Variants in TAFA4 observed in about 807,000 individuals in gnomAD.
The protein encoded by TAFA4 is TAFA chemokine like family member 4, also known as chemokine-like protein TAFA-4.
In TAFA4, 20 loss-of-function variants were observed where a neutral mutation model predicts 21.1. The observed-to-expected ratio is 0.95, with a 90% CI of 0.67 to 1.38. The LOEUF (loss-of-function observed/expected upper bound fraction) is 1.38. Ranked by LOEUF, TAFA4 falls within the 40% of genes most tolerant of loss-of-function variation. The pLI, the probability that TAFA4 is intolerant of heterozygous loss-of-function variation, is 0.00. For synonymous variants in TAFA4, 71 were observed against 67.4 expected, an observed-to-expected ratio of 1.05 and a Z score of -0.26; for missense variants, 211 against 180.9, an observed-to-expected ratio of 1.17 and a Z score of -0.95.
At chr3:68,753,334 GT>G (rs4065540) in intron 3 of TAFA4, among the ~76,000 whole-genome samples, 322 of 114,462 alleles carry the variant, frequency 2.8e-3, no homozygotes, top group Middle Eastern at 5.4e-3. Flanking sequence ...GATTGATAGA[GT>G]TTTTTTTTTT....
chr3:68,751,781 G>T (rs1409941926), intron 4 of TAFA4, among the ~76,000 whole-genome samples: 1 of 152,154 alleles, frequency 6.6e-6, no homozygotes, highest in Non-Finnish European at 1.5e-5. Context: ...TGATTATGGG[G>T]TGCAAGTGGA....
intron 3 of TAFA4, among the ~76,000 whole-genome samples, chr3:68,841,707 C>A (rs1169205273): frequency 2.0e-5 from 3 of 152,062 alleles, no homozygotes; most frequent in Non-Finnish European, 4.4e-5. Flanking sequence ...CCCCCCAACC[C>A]CCTGACAGGC....
At chr3:68,887,388 G>A (rs1258063154) in intron 1 of TAFA4, among the ~76,000 whole-genome samples, 1 of 152,080 alleles carries the variant, frequency 6.6e-6, no homozygotes, top group Admixed American at 6.5e-5. Flanking sequence ...GCTCTCTTGG[G>A]TTGGAGTCCT....
At chr3:68,820,721 A>C (rs1704095182) in intron 3 of TAFA4, among the ~76,000 whole-genome samples, 1 of 152,196 alleles carries the variant, frequency 6.6e-6, no homozygotes, top group Non-Finnish European at 1.5e-5. Flanking sequence ...TCATCACAAA[A>C]AAATGGTAAA....
At chr3:68,832,423 T>C (rs1704422387) in intron 3 of TAFA4, among the ~76,000 whole-genome samples, 1 of 152,226 alleles carries the variant, frequency 6.6e-6, no homozygotes, top group Non-Finnish European at 1.5e-5. Context: ...TTAGTTTTCC[T>C]TCTAAGAGAG....
In TAFA4 at chr3:68,885,325, C is replaced by CAA; in HGVS notation, c.-122-16_-122-15insTT. The CAA allele has an allele frequency of 1.7e-6, 1 of 600,822 alleles. No individual in the cohort carries two copies. Among genetic ancestry groups the CAA allele is most frequent in the Non-Finnish European group, 2.8e-6 (1 of 362,954 alleles). The allele number at this position is 600,822 out of a possible 1,614,324, so 37.2% of individuals were successfully genotyped here. ...GCTCAGAAGACCTATGTTAAAAAGG[C>CAA]CAAAAAAAAAAAAGGAATCAATTAG... On this transcript the variant is annotated splice_polypyrimidine_tract_variant and intron_variant, in intron 1 of 5. Transcript: ENST00000295569.
At chr3:68,920,596 T>A (rs146111845) in intron 1 of TAFA4, among the ~76,000 whole-genome samples, 350 of 151,774 alleles carry the variant, frequency 2.3e-3, no homozygotes, top group Non-Finnish European at 3.8e-3. Context: ...GAGATAGAAA[T>A]GGGTTGTAGA....
intron 1 of TAFA4, among the ~76,000 whole-genome samples, chr3:68,925,350 C>T (rs1182343985): frequency 6.6e-6 from 1 of 152,198 alleles, no homozygotes; most frequent in Non-Finnish European, 1.5e-5. Flanking sequence ...TACAATCTGG[C>T]TCCTACTGGA....
At chr3:68,872,630 C>T (rs55783548) in intron 3 of TAFA4, among the ~76,000 whole-genome samples, 20,961 of 152,034 alleles carry the variant, frequency 0.14, 2,277 homozygotes, top group African/African-American at 0.3. Flanking sequence ...GATCATTACA[C>T]ATTGTATATA....
At position 68,902,374 on chromosome 3, in the gene TAFA4, C is replaced by CT. The variant is rs942872939; in HGVS notation, c.-122-17065dup. 2.3e-3 allele frequency among the ~76,000 whole-genome samples: 337 copies of CT among 148,792 alleles called. 1 individual carries two copies. Among genetic ancestry groups the CT allele is most frequent in the Non-Finnish European group, 3.0e-3 (200 of 66,898 alleles). On this transcript the variant is annotated intron_variant, in intron 1 of 5. Transcript: ENST00000295569. ...TTTCAGATAATACCTATATCATTCACTTTTTTTTTTGGAGACAGGGTCTTG... is the reference window on the plus strand; with the variant it reads ...TTTCAGATAATACCTATATCATTCACTTTTTTTTTTTGGAGACAGGGTCTTG...
intron 3 of TAFA4, among the ~76,000 whole-genome samples, chr3:68,787,994 T>C (rs1393116343): frequency 1.3e-5 from 2 of 152,200 alleles, no homozygotes; most frequent in African/African-American, 2.4e-5. Flanking sequence ...AATTGGAAGA[T>C]TGCAATGCTG....
intron 3 of TAFA4, among the ~76,000 whole-genome samples, chr3:68,858,786 C>T (rs986816874): frequency 2.0e-5 from 3 of 151,966 alleles, no homozygotes. Flanking sequence ...CTATTTTGAC[C>T]CTAGAGCCCA....
intron 3 of TAFA4, among the ~76,000 whole-genome samples, chr3:68,784,650 T>C (rs962052783): frequency 3.3e-5 from 5 of 152,186 alleles, no homozygotes; most frequent in Non-Finnish European, 7.4e-5. Flanking sequence ...GCAAGATTTA[T>C]TGCAAAGAGC....
At chr3:68,789,230 C>CA (rs11328882) in intron 3 of TAFA4, among the ~76,000 whole-genome samples, 8,173 of 120,014 alleles carry the variant, frequency 0.068, 522 homozygotes, top group East Asian at 0.28. Context: ...GACTCCGTCT[C>CA]AAAAAAAAAA....
In TAFA4 at chr3:68,867,209, A is replaced by T. The variant is rs576521676; in HGVS notation, c.130+13521T>A. ...GAGGAAAGCAGCTAATAACATGTTG[A>T]GGAGCTCTGAATCGTCTGGCAACAG... is the stretch of plus-strand genomic sequence containing the variant. On this transcript the variant is annotated intron_variant, in intron 3 of 5. Coordinates refer to ENST00000295569, the MANE Select transcript of TAFA4 (RefSeq NM_182522.5). 7.2e-5 allele frequency among the ~76,000 whole-genome samples: 11 copies of T among 152,238 alleles called. No homozygotes were observed. In the South Asian group the frequency reaches 2.3e-3, roughly 32 times the overall value.
intron 3 of TAFA4, among the ~76,000 whole-genome samples, chr3:68,857,736 C>T (rs553076402): frequency 5.9e-5 from 9 of 151,554 alleles, no homozygotes; most frequent in South Asian, 2.1e-4. Flanking sequence ...AAGACTGTTC[C>T]GACCAATGAA....
At chr3:68,809,094 A>G (rs921980556) in intron 3 of TAFA4, among the ~76,000 whole-genome samples, 3 of 152,220 alleles carry the variant, frequency 2.0e-5, no homozygotes, top group Non-Finnish European at 4.4e-5. Context: ...TAAAATTAAA[A>G]TCTGTAATAA....
chr3:68,767,830 C>CAT (rs1702885380), intron 3 of TAFA4, among the ~76,000 whole-genome samples: 1 of 151,776 alleles, frequency 6.6e-6, no homozygotes, highest in African/African-American at 2.4e-5. Context: ...TGTGCACACA[C>CAT]ATATATGCAT....
chr3:68,799,336 T>A (rs1050835623), intron 3 of TAFA4, among the ~76,000 whole-genome samples: 1 of 152,146 alleles, frequency 6.6e-6, no homozygotes, highest in Non-Finnish European at 1.5e-5. Context: ...TCTGTCCTCA[T>A]ATGGTGGAAG....
Sources: allele counts gnomAD v4.1 joint callset (sites outside exome capture counted in the v4.1 genomes callset), GRCh38; gene constraint gnomAD v4.1.1; transcripts MANE v1.5; gene names NCBI Gene and HGNC (gene_info 2026-07-23, HGNC 2026-07-21).